The following RIMS2 variants were observed in gnomAD, a reference collection of about 807,000 sequenced individuals.
The protein encoded by RIMS2 is regulating synaptic membrane exocytosis protein 2.
Under a neutral mutation model 174.4 loss-of-function variants are expected in RIMS2, and 59 were observed. That is an observed-to-expected ratio of 0.34 (90% CI 0.27 to 0.42). The LOEUF is 0.42. Ranked by LOEUF, RIMS2 falls within the 10% of genes least tolerant of loss-of-function variation. The pLI is 1.00. For synonymous variants in RIMS2, 606 were observed against 572.5 expected (o/e 1.06, Z -0.84); for missense variants, 1,620 against 1,666.3 (o/e 0.97, Z 0.48).
chr8:103,766,841 A>T (rs1292441336), intron 3 of RIMS2, among the ~76,000 whole-genome samples: 1 of 152,186 alleles, frequency 6.6e-6, no homozygotes, highest in Non-Finnish European at 1.5e-5. Context: ...GACTAATGGG[A>T]ATGAAGAAGA....
chr8:103,776,911 A>G (rs1284779949), intron 3 of RIMS2, among the ~76,000 whole-genome samples: 2 of 151,880 alleles, frequency 1.3e-5, no homozygotes, highest in Non-Finnish European at 2.9e-5. Flanking sequence ...GTGTGTGCAC[A>G]TGTGTGTGCA....
intron 3 of RIMS2, among the ~76,000 whole-genome samples, chr8:103,874,318 T>G (rs2099125537): frequency 6.6e-6 from 1 of 152,058 alleles, no homozygotes; most frequent in Non-Finnish European, 1.5e-5. Context: ...TGATTAGCTC[T>G]GCTAATCATG....
At chr8:103,645,872 A>G (rs2096318405) in intron 1 of RIMS2, among the ~76,000 whole-genome samples, 1 of 152,214 alleles carries the variant, frequency 6.6e-6, no homozygotes, top group African/African-American at 2.4e-5. Context: ...GTCCATGTGA[A>G]GAGACCACCA....
intron 19 of RIMS2, among the ~76,000 whole-genome samples, chr8:104,235,586 A>G (rs570958490): frequency 1.3e-5 from 2 of 149,972 alleles, no homozygotes; most frequent in South Asian, 2.1e-4. Flanking sequence ...GAATAATACA[A>G]TGAACATCCA....
intron 14 of RIMS2, among the ~76,000 whole-genome samples, chr8:103,949,691 A>C (rs1469045455): frequency 1.3e-5 from 2 of 152,198 alleles, no homozygotes; most frequent in Non-Finnish European, 2.9e-5. Flanking sequence ...AATACCAAAA[A>C]AATTCTCAAA....
chr8:104,220,965 C>T (rs1203029697), intron 19 of RIMS2, among the ~76,000 whole-genome samples: 2 of 152,076 alleles, frequency 1.3e-5, no homozygotes, highest in Admixed American at 1.3e-4. Flanking sequence ...TACCTTCCCC[C>T]GATCTTAAGT....
chr8:104,142,630 C>T (rs577911134), intron 19 of RIMS2, among the ~76,000 whole-genome samples: 4 of 152,276 alleles, frequency 2.6e-5, no homozygotes, highest in African/African-American at 9.6e-5. Flanking sequence ...CCCAAGTAAG[C>T]AGTGACCTAC....
At chr8:103,809,629 A>G (rs527509824) in intron 3 of RIMS2, among the ~76,000 whole-genome samples, 5 of 152,314 alleles carry the variant, frequency 3.3e-5, no homozygotes, top group Non-Finnish European at 2.9e-5. Flanking sequence ...CAATACCTGC[A>G]TAAAGCACAG....
chr8:103,778,048 T>A (rs1218165747), intron 3 of RIMS2, among the ~76,000 whole-genome samples: 1 of 152,036 alleles, frequency 6.6e-6, no homozygotes, highest in Admixed American at 6.6e-5. Context: ...TTGACATTTT[T>A]AAAAAGTTTG....
At chr8:103,941,632 A>G (rs1024073162) in intron 13 of RIMS2, among the ~76,000 whole-genome samples, 1 of 152,248 alleles carries the variant, frequency 6.6e-6, no homozygotes, top group African/African-American at 2.4e-5. Flanking sequence ...TAAAAAAAAT[A>G]GACATTCATT....
intron 15 of RIMS2, 112 bp from the exon 18 acceptor site, chr8:103,975,238 T>C: frequency 1.7e-6 from 1 of 586,856 alleles, no homozygotes; most frequent in South Asian, 2.8e-5. Flanking sequence ...TTATATTTAA[T>C]ATATTAGAAG....
At chr8:103,843,248 C>T (rs1014465187) in intron 3 of RIMS2, among the ~76,000 whole-genome samples, 6 of 152,140 alleles carry the variant, frequency 3.9e-5, no homozygotes, top group Admixed American at 1.3e-4. Flanking sequence ...TTCTCTAGTT[C>T]GTAACCCCAA....
At chr8:104,197,144 T>C (rs1384486207) in intron 19 of RIMS2, among the ~76,000 whole-genome samples, 2 of 152,112 alleles carry the variant, frequency 1.3e-5, no homozygotes, top group African/African-American at 2.4e-5. Flanking sequence ...GTTGAATTTA[T>C]TGTATTTGTA....
intron 2 of RIMS2, among the ~76,000 whole-genome samples, chr8:103,762,532 A>G (rs531180548): frequency 6.6e-6 from 1 of 152,342 alleles, no homozygotes; most frequent in East Asian, 1.9e-4. Flanking sequence ...ATCATTTCAT[A>G]GTCAATTAAT....
intron 3 of RIMS2, among the ~76,000 whole-genome samples, chr8:103,838,478 C>T (rs2098917877): frequency 6.6e-6 from 1 of 152,094 alleles, no homozygotes; most frequent in Non-Finnish European, 1.5e-5. Flanking sequence ...TATTTCCTGC[C>T]TCTTAGCATA....
intron 9 of RIMS2, among the ~76,000 whole-genome samples, chr8:103,920,197 G>A (rs2077343100): frequency 1.3e-5 from 2 of 151,938 alleles, no homozygotes; most frequent in Admixed American, 1.3e-4. Flanking sequence ...CCAAGCCCCT[G>A]TCCTTAACCC....
chr8:103,856,691 G>A (rs1008839379), intron 3 of RIMS2, among the ~76,000 whole-genome samples: 1 of 152,048 alleles, frequency 6.6e-6, no homozygotes, highest in African/African-American at 2.4e-5. Context: ...GGTAAATATG[G>A]CATATATCTA....
intron 17 of RIMS2, among the ~76,000 whole-genome samples, chr8:104,002,196 TTG>T (rs1463888262): frequency 6.6e-6 from 1 of 152,098 alleles, no homozygotes; most frequent in Non-Finnish European, 1.5e-5. Flanking sequence ...TTTTTTCTTA[TTG>T]TTTCATTAAG....
chr8:103,576,608 T>C (rs2093259518), intron 1 of RIMS2, among the ~76,000 whole-genome samples: 1 of 151,984 alleles, frequency 6.6e-6, no homozygotes, highest in Non-Finnish European at 1.5e-5. Flanking sequence ...AAAGAGCCCA[T>C]ATAACCAAGA....
Sources: gnomAD v4.1 joint callset for allele counts (sites outside exome capture counted in the v4.1 genomes callset) on GRCh38, gnomAD v4.1.1 for gene constraint, MANE v1.5 for transcripts, NCBI Gene and HGNC (gene_info 2026-07-23, HGNC 2026-07-21) for gene names.